Variants in FAM163B observed in about 807,000 individuals in gnomAD.
The protein encoded by FAM163B is family with sequence similarity 163 member B.
FAM163B carries 4 observed loss-of-function variants against 7.6 expected under a neutral mutation model. That is an observed-to-expected ratio of 0.52 (90% CI 0.26 to 1.20). The LOEUF (loss-of-function observed/expected upper bound fraction) is 1.20, where lower values mean the gene tolerates loss of function less well. Among genes scored for constraint, FAM163B ranks in the 50% most tolerant of loss-of-function variants. FAM163B has a pLI of 0.14. For synonymous variants in FAM163B, 120 were observed against 111.6 expected (o/e 1.07, Z -0.47); for missense variants, 250 against 243.0 (o/e 1.03, Z -0.19).
In FAM163B at chr9:133,578,118, A is replaced by G. The variant is rs1218803055; in HGVS notation, c.*904T>C. Among the ~76,000 whole-genome samples, 1 of 152,018 alleles carries G rather than the reference A, an allele frequency of 6.6e-6. No homozygotes were observed. The highest frequency in any genetic ancestry group is 1.9e-4 in the East Asian group (1 of 5,156). On this transcript the variant is annotated 3_prime_UTR_variant, in exon 3 of 3. Transcript: ENST00000673969. ...GGGGAGACTGAGGCCCAGGGGTGGG[A>G]AGGGCCAGCCAAGTCTCACGGGGAA...
At chr9:133,596,561 G>A (rs1831635855) in intron 1 of FAM163B, among the ~76,000 whole-genome samples, 1 of 152,118 alleles carries the variant, frequency 6.6e-6, no homozygotes, top group African/African-American at 2.4e-5. Context: ...AGACAAGGAG[G>A]GCCCTGTGGT....
intron 2 of FAM163B, 23 bp downstream of exon 2, chr9:133,580,108 C>G: frequency 6.2e-7 from 1 of 1,604,186 alleles, no homozygotes; most frequent in Non-Finnish European, 8.5e-7. Flanking sequence ...TGCCCTGTCC[C>G]CTTCCCCGCC....
rs1322758384 is a variant in FAM163B at position 133,606,315 on chromosome 9, G to C, written c.-24+2762C>G. On this transcript the variant is annotated intron_variant, in intron 1 of 2. Transcript: ENST00000673969. The surrounding 1 kb of genome is among the most constrained non-coding windows in gnomAD (Gnocchi z 4.0). ...GGGCCAAGGCCTGCGGGAGGATTCA[G>C]CAACGGAGGGAGGGAGCTGGCAAAC... 3.9e-5 allele frequency among the ~76,000 whole-genome samples: 6 copies of C among 152,232 alleles called. No individual in the cohort carries two copies. The East Asian group carries it at 1.2e-3, about 29-fold the overall frequency.
intron 1 of FAM163B, among the ~76,000 whole-genome samples, chr9:133,590,458 G>C (rs1351215737): frequency 6.6e-6 from 1 of 152,026 alleles, no homozygotes; most frequent in African/African-American, 2.4e-5. Context: ...GAACCCTATA[G>C]GCACAGCCGG....
intron 1 of FAM163B, chr9:133,585,991 C>T (rs1233392398): frequency 5.9e-5 from 9 of 152,282 alleles, no homozygotes; most frequent in Admixed American, 2.6e-4. Context: ...AGCCCAAGGG[C>T]CCCGGCGTCC....
Position 133,599,920 on chromosome 9 carries a change from ATGTG to A in FAM163B, c.-24+9153_-24+9156del, listed in dbSNP as rs956510385. Among the ~76,000 whole-genome samples, 13 of 143,530 alleles carry A rather than the reference ATGTG, an allele frequency of 9.1e-5. No individual in the cohort carries two copies. In the East Asian group the frequency reaches 1.7e-3, roughly 19 times the overall value. 94.2% of individuals were successfully genotyped at this position (143,530 alleles called of 152,430 possible). On this transcript the variant is annotated intron_variant, in intron 1 of 2. Coordinates refer to ENST00000673969, the MANE Select transcript of FAM163B (RefSeq NM_001080515.3). ...GCAAGTGTGGGTGTGGTCTGTGTGC[ATGTG>A]TGTGAGTGTGGTCTATGTGCATATG... is the stretch of plus-strand genomic sequence containing the variant.
chr9:133,579,116 C>G lies in FAM163B; in HGVS notation c.407G>C (p.Gly136Ala). 1 of 1,607,364 alleles carries G rather than the reference C, an allele frequency of 6.2e-7. No individual in the cohort carries two copies. The highest frequency in any genetic ancestry group is 8.5e-7 in the Non-Finnish European group (1 of 1,179,310). ...VSQEDVELPP[G>A]GFGGLQALNP... The stretch of plus-strand genomic sequence containing the variant: ...GAGCGCCTGCAGGCCCCCGAAGCCC[C>G]CCGGGGGCAGCTCCACGTCCTCCTG... Residue 136 changes from glycine (G) to alanine (A), a missense_variant, in exon 3 of 3, where the codon GGG becomes GCG. By Grantham distance (60) the Gly-to-Ala change is moderately conservative. Transcript: ENST00000673969.
chr9:133,587,850 C>T (rs1831463970), intron 1 of FAM163B, among the ~76,000 whole-genome samples: 1 of 152,110 alleles, frequency 6.6e-6, no homozygotes, highest in African/African-American at 2.4e-5. Flanking sequence ...TAACTGACCC[C>T]ACTTTCTCAG....
chr9:133,584,167 G>A (rs1831398329), intron 1 of FAM163B, among the ~76,000 whole-genome samples: 1 of 152,138 alleles, frequency 6.6e-6, no homozygotes, highest in African/African-American at 2.4e-5. Context: ...AGAGCTGAGA[G>A]GGACCAGGTC....
At chr9:133,590,037 G>T (rs1831514092) in intron 1 of FAM163B, among the ~76,000 whole-genome samples, 1 of 80,768 alleles carries the variant, frequency 1.2e-5, no homozygotes, top group African/African-American at 4.5e-5. Context: ...CTGGACTTAA[G>T]TTCCCTTCCC....
At chr9:133,593,628 A>C (rs1314044716) in intron 1 of FAM163B, among the ~76,000 whole-genome samples, 1 of 152,224 alleles carries the variant, frequency 6.6e-6, no homozygotes, top group East Asian at 1.9e-4. Flanking sequence ...CCATGGCCTC[A>C]GTCTTGTCTC....
rs1831318804 is a variant in FAM163B at position 133,579,425 on chromosome 9, T to C, written c.98A>G (p.Tyr33Cys). ...AVLCYCRLQY[Y>C]CCKKDESEED... ...CTCCGACTCGTCCTTCTTGCAGCAG[T>C]AGTACTGCGGGCAGAGGGACGGTGA... The change falls in exon 3 of 3, where the codon TAC (tyrosine) becomes TGC (cysteine). Residue 33 changes from tyrosine to cysteine, a missense_variant. Transcript: ENST00000673969. 2 of 1,596,454 alleles carry C rather than the reference T, an allele frequency of 1.3e-6. No homozygotes were observed. Among genetic ancestry groups the C allele is most frequent in the South Asian group, 2.3e-5 (2 of 88,722 alleles).
chr9:133,590,021 C>CT (rs1290592930), intron 1 of FAM163B, among the ~76,000 whole-genome samples: 1 of 150,874 alleles, frequency 6.6e-6, no homozygotes, highest in Non-Finnish European at 1.5e-5. Context: ...AAAACCCTCT[C>CT]TGCTGCTGGA....
intron 1 of FAM163B, among the ~76,000 whole-genome samples, chr9:133,584,359 T>G (rs1831401754): frequency 6.6e-6 from 1 of 152,178 alleles, no homozygotes; most frequent in East Asian, 1.9e-4. Flanking sequence ...GGCCTCTCCC[T>G]GGGTTCAGTT....
intron 1 of FAM163B, among the ~76,000 whole-genome samples, chr9:133,591,616 C>T (rs1564194215): frequency 1.3e-5 from 2 of 152,208 alleles, no homozygotes; most frequent in Non-Finnish European, 2.9e-5. Flanking sequence ...GGGCGCTACC[C>T]TGCAGCTTCG....
intron 1 of FAM163B, among the ~76,000 whole-genome samples, chr9:133,599,283 C>T (rs1017746072): frequency 6.6e-6 from 1 of 152,224 alleles, no homozygotes; most frequent in Non-Finnish European, 1.5e-5. Flanking sequence ...TCAGCTCAGA[C>T]GTGACTTCAG....
At position 133,577,942 on chromosome 9, in the gene FAM163B, C is replaced by A. The variant is rs1429261738; in HGVS notation, c.*1080G>T. 6.6e-6 allele frequency among the ~76,000 whole-genome samples: 1 copy of A among 152,230 alleles called. No individual in the cohort carries two copies. Among genetic ancestry groups the A allele is most frequent in the South Asian group, 2.1e-4 (1 of 4,820 alleles). On this transcript the variant is annotated 3_prime_UTR_variant, in exon 3 of 3. Coordinates refer to ENST00000673969, the MANE Select transcript of FAM163B (RefSeq NM_001080515.3). ...CAGTAGGCTCTGGCTGCTTGGGGTC[C>A]ACCAGGAGCTGGGCCAGGCCTCCTA...
At chr9:133,596,709 G>T (rs994514185) in intron 1 of FAM163B, among the ~76,000 whole-genome samples, 5 of 152,212 alleles carry the variant, frequency 3.3e-5, no homozygotes, top group African/African-American at 1.2e-4. Flanking sequence ...ACACAGAACT[G>T]GGGAGGAGCC....
Position 133,578,817 on chromosome 9 carries a change from T to TC in FAM163B, c.*204dup, listed in dbSNP as rs954443531. 1.4e-5 allele frequency: 13 copies of TC among 955,398 alleles called. No individual in the cohort carries two copies. The highest frequency in any genetic ancestry group is 1.2e-4 in the African/African-American group (7 of 60,480). 59.2% of individuals were successfully genotyped at this position (955,398 alleles called of 1,614,324 possible). On this transcript the variant is annotated 3_prime_UTR_variant, in exon 3 of 3. Transcript: ENST00000673969. Reference sequence around the variant, plus strand: ...TCTAGCCCCAGGCCCCAGCTGTGCCTCCCCCCAGGACACATTTGTGTTCAA... The same window carrying TC: ...TCTAGCCCCAGGCCCCAGCTGTGCCTCCCCCCCAGGACACATTTGTGTTCAA...
Sources: gnomAD v4.1 joint callset for allele counts (sites outside exome capture counted in the v4.1 genomes callset) on GRCh38, gnomAD v4.1.1 for gene constraint, Gnocchi (gnomAD v3.1) non-coding constraint, MANE v1.5 for transcripts, NCBI Gene and HGNC (gene_info 2026-07-23, HGNC 2026-07-21) for gene names.